The following MMP26 variants were observed in gnomAD, a reference collection of about 807,000 sequenced individuals.
MMP26 encodes matrix metalloproteinase-26.
MMP26 carries 33 observed loss-of-function variants against 31.0 expected under a neutral mutation model. The ratio of observed to expected loss-of-function variants is 1.06; its 90% confidence interval spans 0.81 to 1.42. The LOEUF (loss-of-function observed/expected upper bound fraction) is 1.42. Among genes scored for constraint, MMP26 ranks in the 40% most tolerant of loss-of-function variants. MMP26 has a pLI of 0.00. For synonymous variants in MMP26, 122 were observed against 114.9 expected, an observed-to-expected ratio of 1.06 and a Z score of -0.40; for missense variants, 347 against 316.1, an observed-to-expected ratio of 1.10 and a Z score of -0.74.
At chr11:4,724,641 C>T (rs1848071490) in intron 1 of MMP26, among the ~76,000 whole-genome samples, 1 of 152,142 alleles carries the variant, frequency 6.6e-6, no homozygotes, top group Admixed American at 6.5e-5. Flanking sequence ...GCTATGGTTC[C>T]TACACAAAAA....
At chr11:4,985,789 A>C (rs1846876942) in intron 2 of MMP26, among the ~76,000 whole-genome samples, 1 of 152,190 alleles carries the variant, frequency 6.6e-6, no homozygotes, top group South Asian at 2.1e-4. Context: ...AGTGAGTTTC[A>C]AAAAGTGAAT....
At chr11:4,974,754 G>A (rs893958619) in intron 2 of MMP26, among the ~76,000 whole-genome samples, 2 of 152,090 alleles carry the variant, frequency 1.3e-5, no homozygotes, top group East Asian at 1.9e-4. Flanking sequence ...GTACATGTAC[G>A]CCACAGAATA....
intron 1 of MMP26, among the ~76,000 whole-genome samples, chr11:4,743,548 C>A (rs1848341363): frequency 6.6e-6 from 1 of 152,150 alleles, no homozygotes; most frequent in Non-Finnish European, 1.5e-5. Flanking sequence ...ATGTCCTAAT[C>A]TCTTTAGGGA....
intron 2 of MMP26, among the ~76,000 whole-genome samples, chr11:4,861,460 CAT>C (rs1277007689): frequency 2.7e-5 from 4 of 150,850 alleles, no homozygotes; most frequent in South Asian, 2.1e-4. Flanking sequence ...CTAATATGTT[CAT>C]ATGTGTGTGT....
At chr11:4,893,845 C>T (rs928262601) in intron 2 of MMP26, among the ~76,000 whole-genome samples, 2 of 151,644 alleles carry the variant, frequency 1.3e-5, no homozygotes, top group Non-Finnish European at 2.9e-5. Flanking sequence ...GCCATCACAC[C>T]TGTAAGTGTT....
At chr11:4,967,903 A>G (rs1846617787) in intron 2 of MMP26, among the ~76,000 whole-genome samples, 2 of 152,182 alleles carry the variant, frequency 1.3e-5, no homozygotes, top group Admixed American at 6.6e-5. Context: ...TGTAACTTAC[A>G]TATTGCTTGA....
At chr11:4,904,372 T>G (rs1850850847) in intron 2 of MMP26, among the ~76,000 whole-genome samples, 1 of 152,092 alleles carries the variant, frequency 6.6e-6, no homozygotes, top group Non-Finnish European at 1.5e-5. Flanking sequence ...CTAAGTGGTA[T>G]GGGAAATATT....
Position 4,769,442 on chromosome 11 carries a change from A to C in MMP26, c.-145+2101A>C, listed in dbSNP as rs567753506. The stretch of plus-strand genomic sequence containing the variant: ...AGGCTTAAGGAGCAAAAGTAGTGGC[A>C]ATATTAGTACTATAGCACGTGTAAT... On this transcript the variant is annotated intron_variant, in intron 2 of 7. Coordinates refer to ENST00000380390, the MANE Select transcript of MMP26 (RefSeq NM_021801.5). 17 of 1,612,644 alleles carry C rather than the reference A, an allele frequency of 1.1e-5. No homozygotes were observed. Among genetic ancestry groups the C allele is most frequent in the Middle Eastern group, 3.3e-4 (2 of 6,078 alleles).
chr11:4,979,836 A>C (rs1846788345), intron 2 of MMP26, among the ~76,000 whole-genome samples: 1 of 152,102 alleles, frequency 6.6e-6, no homozygotes, highest in Non-Finnish European at 1.5e-5. Context: ...AAATACTTTT[A>C]TTCTATCCCA....
At chr11:4,940,526 A>G (rs572823415) in intron 2 of MMP26, among the ~76,000 whole-genome samples, 1 of 152,222 alleles carries the variant, frequency 6.6e-6, no homozygotes, top group Non-Finnish European at 1.5e-5. Flanking sequence ...CTATAAAATC[A>G]GTGATAATAA....
intron 2 of MMP26, among the ~76,000 whole-genome samples, chr11:4,815,693 T>C (rs1849411450): frequency 6.6e-6 from 1 of 152,200 alleles, no homozygotes; most frequent in South Asian, 2.1e-4. Context: ...TACAGTAAAG[T>C]TCAACAAATG....
chr11:4,782,272 A>G (rs1390843480), intron 2 of MMP26, among the ~76,000 whole-genome samples: 1 of 152,220 alleles, frequency 6.6e-6, no homozygotes, highest in Admixed American at 6.5e-5. Flanking sequence ...AATGAAACCC[A>G]GGCTGAGGTG....
At chr11:4,783,338 C>T (rs1024668775) in intron 2 of MMP26, among the ~76,000 whole-genome samples, 2 of 152,186 alleles carry the variant, frequency 1.3e-5, no homozygotes, top group Admixed American at 6.5e-5. Context: ...GATTTGAATG[C>T]CCTGCTGGAT....
intron 2 of MMP26, chr11:4,943,036 C>G (rs932243658): frequency 2.0e-5 from 3 of 153,764 alleles, no homozygotes; most frequent in African/African-American, 7.2e-5. Context: ...CTATATCATA[C>G]AGGCATATTC....
chr11:4,779,896 G>A lies in MMP26; in HGVS notation c.-145+12555G>A, dbSNP rs533173175. On this transcript the variant is annotated intron_variant, in intron 2 of 7. Transcript: ENST00000380390. ...CAACCAGCCTCCTTACTGAAGCACC[G>A]TATTTTTTTCCAGTAACTGAACTTT... is the stretch of plus-strand genomic sequence containing the variant. Among the ~76,000 whole-genome samples, 48 of 152,100 alleles carry A rather than the reference G, an allele frequency of 3.2e-4. No individual in the cohort carries two copies. The East Asian group carries it at 4.1e-3, about 13-fold the overall frequency.
At chr11:4,975,653 G>T (rs879374295) in intron 2 of MMP26, among the ~76,000 whole-genome samples, 7 of 151,990 alleles carry the variant, frequency 4.6e-5, no homozygotes, top group Non-Finnish European at 1.0e-4. Flanking sequence ...CATTCTGCAT[G>T]GCTTTTGTAT....
chr11:4,911,178 A>G (rs1474498269), intron 2 of MMP26, among the ~76,000 whole-genome samples: 2 of 152,192 alleles, frequency 1.3e-5, no homozygotes, highest in Non-Finnish European at 1.5e-5. Flanking sequence ...GACAAGAATT[A>G]TTTATAATGG....
intron 2 of MMP26, among the ~76,000 whole-genome samples, chr11:4,940,720 T>C (rs1243599887): frequency 2.0e-5 from 3 of 152,172 alleles, no homozygotes; most frequent in Admixed American, 6.5e-5. Context: ...GCCAAACTCA[T>C]AATGCAGACT....
In MMP26 at chr11:4,927,742, T is replaced by A. The variant is rs189190005; in HGVS notation, c.-144-60326T>A. Among the ~76,000 whole-genome samples, 12 of 152,292 alleles carry A rather than the reference T, an allele frequency of 7.9e-5. No homozygotes were observed. In the East Asian group the frequency reaches 2.1e-3, roughly 27 times the overall value. ...TATTCCGTTTAGACTCAAGGTCTTT[T>A]TGAAGAGCCCAAAAGCTTCTCCTCA... is the stretch of plus-strand genomic sequence containing the variant. On this transcript the variant is annotated intron_variant, in intron 2 of 7. Coordinates refer to ENST00000380390, the MANE Select transcript of MMP26 (RefSeq NM_021801.5).
Sources: gnomAD v4.1 joint callset for allele counts (sites outside exome capture counted in the v4.1 genomes callset) on GRCh38, gnomAD v4.1.1 for gene constraint, MANE v1.5 for transcripts, NCBI Gene and HGNC (gene_info 2026-07-23, HGNC 2026-07-21) for gene names.